Variants in MCU observed in about 807,000 individuals in gnomAD.
The protein encoded by MCU is calcium uniporter protein, mitochondrial.
A neutral mutation model predicts 45.2 loss-of-function variants in MCU; 12 were observed. That is an observed-to-expected ratio of 0.27 (90% CI 0.17 to 0.43). MCU has a LOEUF of 0.43. Among genes scored for constraint, MCU ranks in the 20% least tolerant of loss-of-function variants. The probability of loss-of-function intolerance (pLI) is 1.00; values close to 1 mark genes in which losing one functional copy is unlikely to be tolerated. For missense variants in MCU, 324 were observed against 436.7 expected, an observed-to-expected ratio of 0.74 and a Z score of 2.30; for synonymous variants, 160 against 165.1, an observed-to-expected ratio of 0.97 and a Z score of 0.24.
intron 1 of MCU, among the ~76,000 whole-genome samples, chr10:72,738,647 A>G (rs1239025376): frequency 1.3e-5 from 2 of 152,230 alleles, no homozygotes; most frequent in South Asian, 2.1e-4. Context: ...TGGAAATGCT[A>G]TATTTGGCAC....
chr10:72,853,012 C>T (rs1845230503), intron 2 of MCU, among the ~76,000 whole-genome samples: 1 of 152,070 alleles, frequency 6.6e-6, no homozygotes, highest in Non-Finnish European at 1.5e-5. Context: ...TAGATCTGTC[C>T]TAAAATAATT....
intron 1 of MCU, among the ~76,000 whole-genome samples, chr10:72,750,377 G>A (rs1843477021): frequency 6.6e-6 from 1 of 152,180 alleles, no homozygotes; most frequent in African/African-American, 2.4e-5. Flanking sequence ...TTAAATTCTA[G>A]ATTAAGATAA....
intron 4 of MCU, among the ~76,000 whole-genome samples, chr10:72,867,963 GA>G (rs547184971): frequency 4.7e-4 from 72 of 151,906 alleles, no homozygotes; most frequent in African/African-American, 1.6e-3. Context: ...TACTAAGGGG[GA>G]AAAAAATGAA....
At chr10:72,829,724 G>A (rs1266270311) in intron 1 of MCU, among the ~76,000 whole-genome samples, 1 of 152,038 alleles carries the variant, frequency 6.6e-6, no homozygotes, top group Admixed American at 6.5e-5. Flanking sequence ...TCAATTTAGG[G>A]GAATTATGGA....
rs1435654803 is a variant in MCU at position 72,814,621 on chromosome 10, G to A, written c.151-19738G>A. Reference sequence around the variant, plus strand: ...GCAACTAGGCACAAAGCTCAGCCCCGGAATACAAACAATGAAGCATAACTT... The same window carrying A: ...GCAACTAGGCACAAAGCTCAGCCCCAGAATACAAACAATGAAGCATAACTT... On this transcript the variant is annotated intron_variant, in intron 1 of 7. Transcript: ENST00000373053. Among the ~76,000 whole-genome samples the A allele has an allele frequency of 2.6e-5, 4 of 152,176 alleles. No homozygotes were observed. The East Asian group carries it at 5.8e-4, about 22-fold the overall frequency.
intron 2 of MCU, 103 bp downstream of exon 2, chr10:72,834,531 T>G: frequency 1.1e-6 from 1 of 944,452 alleles, no homozygotes; most frequent in Non-Finnish European, 1.6e-6. Context: ...ACTCTTTCAG[T>G]TAAGGTGGGC....
chr10:72,707,198 CTTT>C (rs1327443362), intron 1 of MCU, among the ~76,000 whole-genome samples: 5 of 129,616 alleles, frequency 3.9e-5, no homozygotes, highest in African/African-American at 5.7e-5. Context: ...ATTTTGAAAT[CTTT>C]TTTTTTTTTT....
intron 4 of MCU, among the ~76,000 whole-genome samples, chr10:72,866,208 GTACCA>G (rs1381990511): frequency 6.6e-6 from 1 of 152,090 alleles, no homozygotes; most frequent in Non-Finnish European, 1.5e-5. Context: ...GGCGCCCAAG[GTACCA>G]CCACTCTTTT....
chr10:72,856,936 CAAAA>C (rs71021541), intron 2 of MCU, among the ~76,000 whole-genome samples: 17 of 79,656 alleles, frequency 2.1e-4, no homozygotes, highest in African/African-American at 2.9e-4. Context: ...CAAGATGTCT[CAAAA>C]AAAAAAAAAA....
intron 1 of MCU, among the ~76,000 whole-genome samples, chr10:72,713,739 C>G (rs1047572085): frequency 1.3e-5 from 2 of 151,968 alleles, no homozygotes; most frequent in African/African-American, 4.8e-5. Flanking sequence ...GCAAATGAAC[C>G]AGAATTTTTT....
intron 1 of MCU, among the ~76,000 whole-genome samples, chr10:72,802,409 TA>T (rs369833125): frequency 0.058 from 7,957 of 136,332 alleles, 269 homozygotes; most frequent in Admixed American, 0.12. Flanking sequence ...GAGCTTTCTT[TA>T]AAAAAAAAAA....
At chr10:72,711,537 T>C in intron 1 of MCU, among the ~76,000 whole-genome samples, 1 of 142,956 alleles carries the variant, frequency 7.0e-6, no homozygotes, top group Non-Finnish European at 1.5e-5. Context: ...TTTTTTTCCC[T>C]CTTAATACTT....
intron 1 of MCU, among the ~76,000 whole-genome samples, chr10:72,802,889 T>C (rs1280080654): frequency 2.0e-5 from 3 of 152,236 alleles, no homozygotes; most frequent in African/African-American, 7.2e-5. Flanking sequence ...TGAGTAATTA[T>C]GTTGAGTAGC....
chr10:72,860,608 C>G, intron 4 of MCU, 81 bp downstream of exon 4: 1 of 1,074,120 alleles, frequency 9.3e-7, no homozygotes, highest in Non-Finnish European at 1.4e-6. Context: ...CTTGGGTAAC[C>G]TTGAGAAACA....
chr10:72,829,064 T>G (rs1844839228), intron 1 of MCU, among the ~76,000 whole-genome samples: 1 of 152,228 alleles, frequency 6.6e-6, no homozygotes, highest in African/African-American at 2.4e-5. Context: ...CTAATGCCTG[T>G]GATCCCAGCA....
intron 1 of MCU, among the ~76,000 whole-genome samples, chr10:72,725,575 C>T (rs1000281249): frequency 2.0e-5 from 3 of 152,074 alleles, no homozygotes; most frequent in Non-Finnish European, 2.9e-5. Flanking sequence ...GTGCCTGGCT[C>T]ATACTATTTT....
chr10:72,829,981 G>A (rs940372840), intron 1 of MCU, among the ~76,000 whole-genome samples: 10 of 152,138 alleles, frequency 6.6e-5, no homozygotes, highest in Admixed American at 3.3e-4. Flanking sequence ...AGAAGTAGGC[G>A]GGAAGGACTT....
chr10:72,743,514 A>G (rs936453833), intron 1 of MCU, among the ~76,000 whole-genome samples: 4 of 151,794 alleles, frequency 2.6e-5, no homozygotes, highest in Non-Finnish European at 1.5e-5. Context: ...TTCATTCAGC[A>G]GATATTTACT....
At chr10:72,811,802 A>G (rs1223200336) in intron 1 of MCU, among the ~76,000 whole-genome samples, 1 of 152,200 alleles carries the variant, frequency 6.6e-6, no homozygotes, top group Admixed American at 6.5e-5. Flanking sequence ...ATTTCTCAAG[A>G]TAACATGTTT....
Sources: allele counts gnomAD v4.1 joint callset (sites outside exome capture counted in the v4.1 genomes callset), GRCh38; gene constraint gnomAD v4.1.1; transcripts MANE v1.5; gene names NCBI Gene and HGNC (gene_info 2026-07-23, HGNC 2026-07-21).